Variants in DLGAP2 observed in about 807,000 individuals in gnomAD.
DLGAP2 encodes disks large-associated protein 2.
A neutral mutation model predicts 100.3 loss-of-function variants in DLGAP2; 26 were observed. That is an observed-to-expected ratio of 0.26 (90% confidence interval 0.19 to 0.36). The LOEUF is 0.36. DLGAP2 is among the 10% of genes least tolerant of loss of function. The pLI is 1.00. For missense variants in DLGAP2, 1,858 were observed against 1,453.2 expected, an observed-to-expected ratio of 1.28 and a Z score of -4.53; for synonymous variants, 886 against 630.1, an observed-to-expected ratio of 1.41 and a Z score of -6.08.
intron 3 of DLGAP2, among the ~76,000 whole-genome samples, chr8:1,261,611 C>A (rs1241056944): frequency 6.6e-6 from 1 of 152,124 alleles, no homozygotes; most frequent in Non-Finnish European, 1.5e-5. Flanking sequence ...CTGGCCTGCC[C>A]CTCCTCACTG....
chr8:1,410,978 A>G (rs1335316559), intron 3 of DLGAP2, among the ~76,000 whole-genome samples: 1 of 152,088 alleles, frequency 6.6e-6, no homozygotes, highest in South Asian at 2.1e-4. Context: ...ATAGTGTTGT[A>G]CGTTACTTTG....
chr8:759,261 A>G (rs1448505281), intron 1 of DLGAP2, among the ~76,000 whole-genome samples: 3 of 143,864 alleles, frequency 2.1e-5, no homozygotes, highest in African/African-American at 5.2e-5. Context: ...CCTGTTGTCA[A>G]TACCCCCCAC....
chr8:903,558 G>C (rs1231055124), intron 1 of DLGAP2, among the ~76,000 whole-genome samples: 2 of 152,084 alleles, frequency 1.3e-5, no homozygotes, highest in Non-Finnish European at 2.9e-5. Context: ...ACGTCATCGC[G>C]AGGCAGCTTG....
At chr8:922,568 C>T (rs1798737512) in intron 2 of DLGAP2, among the ~76,000 whole-genome samples, 2 of 152,296 alleles carry the variant, frequency 1.3e-5, no homozygotes, top group Admixed American at 6.5e-5. Flanking sequence ...TTCTAAGCAG[C>T]ACCTTATTCT....
chr8:1,063,760 T>A (rs1296252965), intron 2 of DLGAP2, among the ~76,000 whole-genome samples: 1 of 152,202 alleles, frequency 6.6e-6, no homozygotes, highest in Non-Finnish European at 1.5e-5. Context: ...TATTGGTTTG[T>A]GCATATTTAG....
At position 1,668,655 on chromosome 8, in the gene DLGAP2, C is replaced by T. The variant is rs1418799410; in HGVS notation, c.2137C>T (p.Arg713Cys). 5.7e-6 allele frequency: 9 copies of T among 1,571,348 alleles called. No individual in the cohort carries two copies. Among genetic ancestry groups the T allele is most frequent in the Admixed American group, 1.8e-5 (1 of 54,674 alleles). ...VSKAEELLKSRCSSIGIQDSE... is the reference protein window; with the variant it reads ...VSKAEELLKSCCSSIGIQDSE... ...CAAGGCGGAGGAGCTCCTCAAGAGC[C>T]GCTGCTCCTCCATCGGGATTCAGGT... is the stretch of plus-strand genomic sequence containing the variant. The change falls in exon 9 of 15, where the codon CGC becomes TGC. Residue 713 changes from arginine (R) to cysteine (C), a missense_variant. Transcript: ENST00000637795.
At chr8:1,268,447 G>C (rs1357050860) in intron 3 of DLGAP2, among the ~76,000 whole-genome samples, 3 of 152,230 alleles carry the variant, frequency 2.0e-5, no homozygotes, top group African/African-American at 4.8e-5. Context: ...TGGCCAAAGA[G>C]AGAAATTTAA....
At chr8:1,079,105 T>C (rs79724976) in intron 2 of DLGAP2, among the ~76,000 whole-genome samples, 4,631 of 152,278 alleles carry the variant, frequency 0.03, 223 homozygotes, top group African/African-American at 0.11. Context: ...TGAGCAGGTG[T>C]GTGATGGTGT....
chr8:936,218 C>T (rs1799067462), intron 2 of DLGAP2, among the ~76,000 whole-genome samples: 1 of 152,080 alleles, frequency 6.6e-6, no homozygotes, highest in Non-Finnish European at 1.5e-5. Context: ...GTCAGCAGAG[C>T]CTAGAGGGCC....
chr8:1,126,620 G>A (rs1259979406), intron 2 of DLGAP2, among the ~76,000 whole-genome samples: 1 of 152,112 alleles, frequency 6.6e-6, no homozygotes, highest in Non-Finnish European at 1.5e-5. Flanking sequence ...CTTTCAGTAG[G>A]GTCTCGGGGT....
chr8:1,337,399 G>GTGATGC (rs1801306037), intron 3 of DLGAP2, among the ~76,000 whole-genome samples: 1 of 1,554 alleles, frequency 6.4e-4, no homozygotes. Flanking sequence ...GAGGATGATG[G>GTGATGC]TGATGATGGT....
chr8:1,483,561 G>C (rs896728199), intron 3 of DLGAP2, among the ~76,000 whole-genome samples: 1 of 146,224 alleles, frequency 6.8e-6, no homozygotes, highest in Non-Finnish European at 1.5e-5. Flanking sequence ...ACCTGAGGGC[G>C]TCTACACAGA....
At chr8:1,513,226 C>G (rs1336888091) in intron 4 of DLGAP2, among the ~76,000 whole-genome samples, 1 of 146,192 alleles carries the variant, frequency 6.8e-6, no homozygotes, top group Non-Finnish European at 1.5e-5. Flanking sequence ...AAGCATCTGC[C>G]TTTCCCAGTG....
chr8:782,983 T>C (rs1053118024), intron 1 of DLGAP2, among the ~76,000 whole-genome samples: 1 of 152,212 alleles, frequency 6.6e-6, no homozygotes, highest in African/African-American at 2.4e-5. Context: ...GACGGCTGTG[T>C]CTGCAGCACT....
At chr8:1,113,784 G>T (rs1323545882) in intron 2 of DLGAP2, among the ~76,000 whole-genome samples, 2 of 152,074 alleles carry the variant, frequency 1.3e-5, no homozygotes, top group South Asian at 4.1e-4. Flanking sequence ...TAGTTTTCAA[G>T]GGGAATTCTT....
At chr8:1,012,538 C>CT (rs1318025951) in intron 2 of DLGAP2, among the ~76,000 whole-genome samples, 1 of 132,564 alleles carries the variant, frequency 7.5e-6, no homozygotes, top group Non-Finnish European at 1.6e-5. Flanking sequence ...CCAGCCCCCC[C>CT]ACTTCAGCGG....
rs116525990 is a variant in DLGAP2 at position 915,627 on chromosome 8, C to T, written c.73+7661C>T. 6.5e-3 allele frequency among the ~76,000 whole-genome samples: 986 copies of T among 152,146 alleles called. 12 individuals carry two copies. Among genetic ancestry groups the T allele is most frequent in the African/African-American group, 0.022 (922 of 41,492 alleles). ...GCACCTGCCACAGCCGCCACCCACT[C>T]CCCTGGAATTCCCGAATCACACGGC... On this transcript the variant is annotated intron_variant, in intron 2 of 14. Transcript: ENST00000637795.
chr8:1,212,677 A>G (rs1410950047), intron 2 of DLGAP2, among the ~76,000 whole-genome samples: 1 of 151,634 alleles, frequency 6.6e-6, no homozygotes. Context: ...CCAGCAAATG[A>G]CCTCACCCTG....
intron 2 of DLGAP2, among the ~76,000 whole-genome samples, chr8:1,188,307 C>T (rs1299268923): frequency 1.5e-5 from 2 of 135,966 alleles, no homozygotes; most frequent in Admixed American, 7.2e-5. Flanking sequence ...CTCACACGCC[C>T]GGGACTTCCG....
Sources: gnomAD v4.1 joint callset for allele counts (sites outside exome capture counted in the v4.1 genomes callset) on GRCh38, gnomAD v4.1.1 for gene constraint, MANE v1.5 for transcripts, NCBI Gene and HGNC (gene_info 2026-07-23, HGNC 2026-07-21) for gene names.